IL16: variants seen among roughly 807,000 people sequenced by gnomAD.
The protein encoded by IL16 is interleukin 16, also known as pro-interleukin-16.
A neutral mutation model predicts 110.1 loss-of-function variants in IL16; 67 were observed. The observed-to-expected ratio is 0.61, with a 90% CI of 0.50 to 0.75. IL16 has a LOEUF of 0.75. Among genes scored for constraint, IL16 ranks in the 30% least tolerant of loss-of-function variants. IL16 has a pLI of 0.00. For missense variants in IL16, 1,545 were observed against 1,655.0 expected (o/e 0.93, Z 1.15); for synonymous variants, 689 against 662.9 (o/e 1.04, Z -0.61).
Position 81,286,112 on chromosome 15 carries a change from A to G in IL16, c.1332+282A>G, listed in dbSNP as rs1899439100. Among the ~76,000 whole-genome samples, 4 of 152,196 alleles carry G rather than the reference A, an allele frequency of 2.6e-5. No individual in the cohort carries two copies. In the South Asian group the frequency reaches 8.3e-4, roughly 32 times the overall value. ...ACCCAGGGTCCCAGCTAGTAGACCA[A>G]GAAATTTATTCATTTATGCGTCTAG... On this transcript the variant is annotated intron_variant, in intron 10 of 18. Coordinates refer to ENST00000683961, the MANE Select transcript of IL16 (RefSeq NM_172217.5).
At chr15:81,250,960 C>A (rs1380422961) in intron 2 of IL16, among the ~76,000 whole-genome samples, 1 of 152,200 alleles carries the variant, frequency 6.6e-6, no homozygotes, top group African/African-American at 2.4e-5. Flanking sequence ...CTCTTCTCTT[C>A]CCAATATCCC....
Position 81,225,491 on chromosome 15 carries a change from G to A in IL16, c.92G>A (p.Ser31Asn). The part of the protein sequence containing the change: ...RSLMLCNAKT[S>N]DDGSSPDEKY... ...CTGATGCTCTGTAATGCTAAGACCA[G>A]TGATGATGGCTCTAGCCCTGATGAG... Residue 31 changes from serine to asparagine, a missense_variant, in exon 2 of 19, where the codon AGT becomes AAT. Physicochemically the swap from Ser to Asn is conservative, Grantham distance 46. Coordinates refer to ENST00000683961, the MANE Select transcript of IL16 (RefSeq NM_172217.5). The A allele has an allele frequency of 1.2e-6, 2 of 1,614,162 alleles. No homozygotes were observed. Among genetic ancestry groups the A allele is most frequent in the East Asian group, 4.5e-5 (2 of 44,880 alleles).
At chr15:81,246,362 A>G (rs1426039077) in intron 2 of IL16, among the ~76,000 whole-genome samples, 1 of 152,108 alleles carries the variant, frequency 6.6e-6, no homozygotes, top group Non-Finnish European at 1.5e-5. Flanking sequence ...CCTGGCAACC[A>G]CTTACTTTTC....
intron 9 of IL16, among the ~76,000 whole-genome samples, chr15:81,283,376 C>CA (rs150622970): frequency 2.6e-5 from 4 of 150,966 alleles, no homozygotes; most frequent in East Asian, 1.9e-4. Context: ...ACCAAACAAA[C>CA]AAAAAAAAGA....
intron 12 of IL16, among the ~76,000 whole-genome samples, chr15:81,293,883 C>A (rs746327606): frequency 5.3e-5 from 8 of 152,210 alleles, no homozygotes; most frequent in Non-Finnish European, 1.0e-4. Context: ...CTTACAACCA[C>A]CTGATGGTGA....
intron 1 of IL16, among the ~76,000 whole-genome samples, chr15:81,220,189 C>T (rs1457443717): frequency 6.6e-6 from 1 of 152,164 alleles, no homozygotes; most frequent in Non-Finnish European, 1.5e-5. Context: ...GGCTGGAGTG[C>T]AGTGCTGTGA....
intron 1 of IL16, chr15:81,188,468 C>T (rs1895449100): frequency 4.4e-6 from 2 of 455,072 alleles, no homozygotes; most frequent in Admixed American, 4.7e-5. Context: ...TTATAATAAC[C>T]CATTTTACAG....
intron 1 of IL16, among the ~76,000 whole-genome samples, chr15:81,186,951 G>A (rs1895428435): frequency 6.6e-6 from 1 of 152,090 alleles, no homozygotes; most frequent in African/African-American, 2.4e-5. Flanking sequence ...GAGCCACCAT[G>A]CCTGGCTATC....
chr15:81,268,457 G>C (rs1399202915), intron 4 of IL16, among the ~76,000 whole-genome samples: 4 of 152,266 alleles, frequency 2.6e-5, no homozygotes, highest in African/African-American at 9.6e-5. Flanking sequence ...CTAATTCATA[G>C]CAACAGGATG....
At position 81,268,538 on chromosome 15, in the gene IL16, G is replaced by A. The variant is rs78418836; in HGVS notation, c.565-1000G>A. 1.5e-3 allele frequency among the ~76,000 whole-genome samples: 235 copies of A among 152,382 alleles called. 7 individuals are homozygous for A. In the East Asian group the frequency reaches 0.041, roughly 26 times the overall value. On this transcript the variant is annotated intron_variant, in intron 4 of 18. Transcript: ENST00000683961. ...TGCCCAGGTGGCATGGGGACAGCAT[G>A]GGCCTGGGAGTCAGCAGCCCGGGAT...
intron 1 of IL16, among the ~76,000 whole-genome samples, chr15:81,214,746 C>T (rs1896365902): frequency 6.6e-6 from 1 of 152,160 alleles, no homozygotes; most frequent in Non-Finnish European, 1.5e-5. Flanking sequence ...CTCCTTTTCT[C>T]TCAGGAATGC....
chr15:81,265,525 C>A, intron 3 of IL16, 134 bp from the exon 4 acceptor site: 1 of 912,686 alleles, frequency 1.1e-6, no homozygotes, highest in Non-Finnish European at 1.6e-6. Context: ...CCCCACCACG[C>A]ACCTGGCACA....
intron 3 of IL16, among the ~76,000 whole-genome samples, chr15:81,261,659 AC>A (rs1414384688): frequency 3.3e-5 from 5 of 151,580 alleles, no homozygotes; most frequent in Admixed American, 6.6e-5. Context: ...TATTTTTCTA[AC>A]CCGGCCCACC....
chr15:81,305,659 TATAGGA>T, intron 16 of IL16: 2 of 549,880 alleles, frequency 3.6e-6, no homozygotes, highest in South Asian at 2.1e-5. Flanking sequence ...GGTGGTACAC[TATAGGA>T]CGTTGTGTTG....
chr15:81,199,030 A>AATAT (rs60097662), intron 1 of IL16, among the ~76,000 whole-genome samples: 1,666 of 103,914 alleles, frequency 0.016, 24 homozygotes, highest in Non-Finnish European at 0.019. Flanking sequence ...AAAAAAAAAA[A>AATAT]ATATATATAT....
chr15:81,300,129 C>G lies in IL16; in HGVS notation c.2803C>G (p.Pro935Ala), dbSNP rs374702043. 208 of 1,600,334 alleles carry G rather than the reference C, an allele frequency of 1.3e-4. No individual in the cohort carries two copies. Among genetic ancestry groups the G allele is most frequent in the Non-Finnish European group, 1.7e-4 (204 of 1,172,792 alleles). The change falls in exon 14 of 19, where the codon CCC (proline) becomes GCC (alanine). Residue 935 changes from proline to alanine, a missense_variant. By Grantham distance (27) the Pro-to-Ala change is conservative. Coordinates refer to ENST00000683961, the MANE Select transcript of IL16 (RefSeq NM_172217.5). ...PGRQPNQKTLPPGPDPLLRLL... is the reference protein window; with the variant it reads ...PGRQPNQKTLAPGPDPLLRLL... ...GCGGCAGCCCAATCAGAAAACTCTC[C>G]CCCCTGGCCCGGACCCGCTCCTAAG...
At chr15:81,205,603 A>G (rs890195312) in intron 1 of IL16, among the ~76,000 whole-genome samples, 5 of 152,188 alleles carry the variant, frequency 3.3e-5, no homozygotes, top group Non-Finnish European at 5.9e-5. Flanking sequence ...TTAAGGAGCC[A>G]TAATAAGAAA....
intron 2 of IL16, among the ~76,000 whole-genome samples, chr15:81,231,320 G>GTCTGTC (rs1161195875): frequency 2.0e-5 from 1 of 50,926 alleles, no homozygotes; most frequent in African/African-American, 5.8e-5. Context: ...CCCAAGGTCG[G>GTCTGTC]TCTGTCTCTC....
intron 1 of IL16, among the ~76,000 whole-genome samples, chr15:81,205,640 A>C (rs1006431673): frequency 6.6e-6 from 1 of 152,120 alleles, no homozygotes; most frequent in Non-Finnish European, 1.5e-5. Flanking sequence ...AGAAAGATGA[A>C]TCAATTAAGC....
Sources: allele counts gnomAD v4.1 joint callset (sites outside exome capture counted in the v4.1 genomes callset), GRCh38; gene constraint gnomAD v4.1.1; transcripts MANE v1.5; gene names NCBI Gene and HGNC (gene_info 2026-07-23, HGNC 2026-07-21).